Variants in ME3 observed in about 807,000 individuals in gnomAD.
The protein encoded by ME3 is NADP-dependent malic enzyme, mitochondrial.
In ME3, 48 loss-of-function variants were observed where a neutral mutation model predicts 68.9. The observed-to-expected ratio is 0.70, with a 90% CI of 0.55 to 0.89. The LOEUF (loss-of-function observed/expected upper bound fraction) is 0.89. Ranked by LOEUF, ME3 falls within the 40% of genes least tolerant of loss-of-function variation. The probability of loss-of-function intolerance (pLI) is 0.00; values close to 1 mark genes in which losing one functional copy is unlikely to be tolerated. For synonymous variants in ME3, 320 were observed against 318.8 expected, an observed-to-expected ratio of 1.00 and a Z score of -0.04; for missense variants, 675 against 797.4, an observed-to-expected ratio of 0.85 and a Z score of 1.85.
At chr11:86,567,247 G>A (rs201013648) in intron 2 of ME3, among the ~76,000 whole-genome samples, 53 of 32,790 alleles carry the variant, frequency 1.6e-3, no homozygotes, top group African/African-American at 2.2e-3. Flanking sequence ...AGAAAGAAAG[G>A]AAGGAAGGAA....
chr11:86,439,087 A>G (rs375965072), downstream of ME3, among the ~76,000 whole-genome samples: 5 of 152,304 alleles, frequency 3.3e-5, no homozygotes, highest in East Asian at 7.7e-4. Flanking sequence ...GCCTTCAACT[A>G]ATTGGATGAA....
rs576928625 is a variant in ME3 at position 86,663,554 on chromosome 11, A to G, written c.183+8208T>C. On this transcript the variant is annotated intron_variant, in intron 2 of 14. Transcript: ENST00000543262. ...TTCCCGATATACTTTCTACACATCAAAGTGAAGGTTTTTGAAACTGACTGT... is the reference window on the plus strand; with the variant it reads ...TTCCCGATATACTTTCTACACATCAGAGTGAAGGTTTTTGAAACTGACTGT... 9.8e-5 allele frequency among the ~76,000 whole-genome samples: 15 copies of G among 152,314 alleles called. No individual in the cohort carries two copies. The South Asian group carries it at 2.9e-3, about 29-fold the overall frequency.
intron 4 of ME3, among the ~76,000 whole-genome samples, chr11:86,533,606 A>C (rs574115918): frequency 6.6e-6 from 1 of 152,340 alleles, no homozygotes; most frequent in African/African-American, 2.4e-5. Context: ...AATTCTTCCA[A>C]AAAGAGGAGG....
At chr11:86,463,977 T>C (rs775940398) in intron 8 of ME3, 2 of 267,718 alleles carry the variant, frequency 7.5e-6, no homozygotes, top group Non-Finnish European at 1.5e-5. Context: ...GGTTTAAAAC[T>C]GTAGAGTGCT....
intron 8 of ME3, among the ~76,000 whole-genome samples, chr11:86,459,441 A>G (rs569069316): frequency 6.6e-6 from 1 of 152,194 alleles, no homozygotes; most frequent in Non-Finnish European, 1.5e-5. Context: ...AATAGGTACC[A>G]TGAACTGAGT....
chr11:86,514,643 T>A (rs1953761178), intron 4 of ME3, among the ~76,000 whole-genome samples: 1 of 152,256 alleles, frequency 6.6e-6, no homozygotes, highest in Admixed American at 6.5e-5. Flanking sequence ...GCTCTATTAC[T>A]TCCTAGCTAC....
At chr11:86,447,025 A>G (rs373338665) in intron 12 of ME3, 40 bp downstream of exon 12, 11 of 1,604,636 alleles carry the variant, frequency 6.9e-6, no homozygotes, top group African/African-American at 4.0e-5. Context: ...AATTGTTACT[A>G]TGTCCTCTCA....
At chr11:86,609,665 C>A (rs1942417306) in intron 2 of ME3, among the ~76,000 whole-genome samples, 6 of 152,172 alleles carry the variant, frequency 3.9e-5, no homozygotes, top group Admixed American at 3.9e-4. Context: ...AGCAATGCTG[C>A]ACTCTTAAGC....
chr11:86,548,534 C>T (rs1251445928), intron 4 of ME3, among the ~76,000 whole-genome samples: 2 of 152,152 alleles, frequency 1.3e-5, no homozygotes, highest in African/African-American at 4.8e-5. Context: ...TCAGAGCTCT[C>T]AGCAAAAAAT....
At chr11:86,529,089 A>G (rs1955000688) in intron 4 of ME3, among the ~76,000 whole-genome samples, 1 of 152,252 alleles carries the variant, frequency 6.6e-6, no homozygotes, top group African/African-American at 2.4e-5. Context: ...GAAAAGATCA[A>G]CAAAATTGAT....
intron 7 of ME3, among the ~76,000 whole-genome samples, chr11:86,470,784 C>A (rs1405327483): frequency 6.6e-6 from 1 of 152,128 alleles, no homozygotes; most frequent in African/African-American, 2.4e-5. Context: ...CTGCTTCTGT[C>A]CAGGACCCTA....
chr11:86,585,244 A>G (rs1369859055), intron 2 of ME3, among the ~76,000 whole-genome samples: 1 of 152,230 alleles, frequency 6.6e-6, no homozygotes, highest in Non-Finnish European at 1.5e-5. Flanking sequence ...GTTCTTTAGA[A>G]AAGATCATTT....
intron 5 of ME3, 89 bp from the exon 6 acceptor site, chr11:86,498,213 G>C (rs556452588): frequency 3.5e-6 from 5 of 1,443,180 alleles, no homozygotes; most frequent in Non-Finnish European, 3.7e-6. Context: ...CAGGCTTGGC[G>C]ACTGGATGCC....
chr11:86,663,600 A>C (rs779354802), intron 2 of ME3, among the ~76,000 whole-genome samples: 3 of 152,232 alleles, frequency 2.0e-5, no homozygotes, highest in Admixed American at 6.5e-5. Flanking sequence ...TTTGCAAACA[A>C]AAGTGCTGCA....
At chr11:86,482,353 G>C (rs1206962095) in intron 7 of ME3, among the ~76,000 whole-genome samples, 1 of 152,150 alleles carries the variant, frequency 6.6e-6, no homozygotes, top group East Asian at 1.9e-4. Flanking sequence ...GCCTGGCTCA[G>C]TGTCTGGTGT....
intron 7 of ME3, among the ~76,000 whole-genome samples, chr11:86,486,658 C>T (rs990482468): frequency 6.6e-6 from 1 of 152,244 alleles, no homozygotes; most frequent in Non-Finnish European, 1.5e-5. Flanking sequence ...CACTGAGCTG[C>T]TGAAACTCTG....
chr11:86,473,845 T>C (rs1422286618), intron 7 of ME3, among the ~76,000 whole-genome samples: 1 of 152,170 alleles, frequency 6.6e-6, no homozygotes, highest in East Asian at 1.9e-4. Context: ...GCAAGTGTAA[T>C]TGGGCATAAT....
chr11:86,656,178 G>A (rs1945855435), intron 2 of ME3, among the ~76,000 whole-genome samples: 1 of 151,420 alleles, frequency 6.6e-6, no homozygotes, highest in Admixed American at 6.6e-5. Context: ...AACCATTGTG[G>A]AAGTCAGTGT....
At chr11:86,556,915 C>A (rs1956960571) in intron 3 of ME3, among the ~76,000 whole-genome samples, 1 of 151,608 alleles carries the variant, frequency 6.6e-6, no homozygotes, top group South Asian at 2.1e-4. Context: ...AGATACTGTT[C>A]TAAATATTTT....
Sources: gnomAD v4.1 joint callset for allele counts (sites outside exome capture counted in the v4.1 genomes callset) on GRCh38, gnomAD v4.1.1 for gene constraint, MANE v1.5 for transcripts, NCBI Gene and HGNC (gene_info 2026-07-23, HGNC 2026-07-21) for gene names.